S100Z: variants seen among roughly 807,000 people sequenced by gnomAD.
S100Z encodes S100 calcium binding protein Z, also known as protein S100-Z.
S100Z carries 11 observed loss-of-function variants against 8.5 expected under a neutral mutation model. The observed-to-expected ratio is 1.30, with a 90% CI of 0.82 to 2.15. The LOEUF (loss-of-function observed/expected upper bound fraction) is 2.15. S100Z is among the 30% of genes most tolerant of loss of function. The probability of loss-of-function intolerance (pLI) is 0.00; values close to 1 mark genes in which losing one functional copy is unlikely to be tolerated. For missense variants in S100Z, 126 were observed against 117.9 expected, an observed-to-expected ratio of 1.07 and a Z score of -0.32; for synonymous variants, 34 against 43.8, an observed-to-expected ratio of 0.78 and a Z score of 0.89.
intron 4 of S100Z, among the ~76,000 whole-genome samples, chr5:76,886,110 T>C (rs1408586429): frequency 6.6e-6 from 1 of 151,686 alleles, no homozygotes; most frequent in Non-Finnish European, 1.5e-5. Flanking sequence ...TGTCAAGGGG[T>C]GCTTGCCCCC....
chr5:76,922,445 A>G (rs1297522837), downstream of S100Z, among the ~76,000 whole-genome samples: 4 of 152,180 alleles, frequency 2.6e-5, no homozygotes, highest in Non-Finnish European at 4.4e-5. Flanking sequence ...AGTTCTGCCC[A>G]TCACCTTCCC....
At chr5:76,929,386 T>C in the S100Z span, among the ~76,000 whole-genome samples, 34 of 152,230 alleles carry the variant, frequency 2.2e-4, no homozygotes, top group East Asian at 6.4e-3. Context: ...ATTGAACAAT[T>C]TGTCTCTCAG....
At chr5:76,896,562 C>T (rs1744044719) in intron 4 of S100Z, among the ~76,000 whole-genome samples, 1 of 152,132 alleles carries the variant, frequency 6.6e-6, no homozygotes, top group African/African-American at 2.4e-5. Flanking sequence ...AGTGGGATTC[C>T]AGTAGCTGGA....
At chr5:76,896,910 G>C (rs142231798) in intron 4 of S100Z, among the ~76,000 whole-genome samples, 41 of 151,968 alleles carry the variant, frequency 2.7e-4, no homozygotes, top group African/African-American at 9.2e-4. Flanking sequence ...ATAGTTATTT[G>C]AGCTCCTTAA....
chr5:76,860,458 C>A (rs1160772648), intron 1 of S100Z, among the ~76,000 whole-genome samples: 1 of 152,138 alleles, frequency 6.6e-6, no homozygotes, highest in African/African-American at 2.4e-5. Context: ...GATGGCCCGA[C>A]CCTCTCAGCT....
At chr5:76,864,268 G>A (rs1025086150) in intron 1 of S100Z, among the ~76,000 whole-genome samples, 2 of 151,922 alleles carry the variant, frequency 1.3e-5, no homozygotes, top group Non-Finnish European at 2.9e-5. Flanking sequence ...ACATGTCTGG[G>A]GCGATACTGG....
At chr5:76,952,149 A>G in the S100Z span, among the ~76,000 whole-genome samples, 1 of 152,194 alleles carries the variant, frequency 6.6e-6, no homozygotes, top group African/African-American at 2.4e-5. Flanking sequence ...TTATTTCCGG[A>G]TCCCTAAGTC....
At chr5:76,868,623 CT>C (rs35398110) in intron 1 of S100Z, among the ~76,000 whole-genome samples, 25,584 of 122,362 alleles carry the variant, frequency 0.21, 1,926 homozygotes, top group African/African-American at 0.3. Context: ...AATTCAAACT[CT>C]TTTTTTTTTT....
At chr5:76,925,153 G>T (rs1252848698), downstream of S100Z, among the ~76,000 whole-genome samples, 1 of 121,632 alleles carries the variant, frequency 8.2e-6, no homozygotes, top group Non-Finnish European at 2.0e-5. Context: ...AAGATGAGTG[G>T]CTAGATAGAG....
At chr5:76,864,302 C>T (rs1260711187) in intron 1 of S100Z, among the ~76,000 whole-genome samples, 1 of 150,654 alleles carries the variant, frequency 6.6e-6, no homozygotes, top group Non-Finnish European at 1.5e-5. Flanking sequence ...GCTGTGTTTC[C>T]AGTTGTATAA....
chr5:76,936,988 C>T, the S100Z span, among the ~76,000 whole-genome samples: 1 of 151,920 alleles, frequency 6.6e-6, no homozygotes, highest in Non-Finnish European at 1.5e-5. Context: ...ATTATGGACA[C>T]TAGACACAGT....
chr5:76,860,262 C>T (rs1751017943), intron 1 of S100Z, among the ~76,000 whole-genome samples: 1 of 152,156 alleles, frequency 6.6e-6, no homozygotes, highest in Non-Finnish European at 1.5e-5. Context: ...GCAGCCATTG[C>T]CACTGTAGCC....
At chr5:76,850,330 G>A (rs1750686605) in intron 1 of S100Z, among the ~76,000 whole-genome samples, 175 bp downstream of exon 1, 1 of 113,908 alleles carries the variant, frequency 8.8e-6, no homozygotes, top group Non-Finnish European at 1.8e-5. Flanking sequence ...GGTCGGGGGG[G>A]TGGGGGAGAG....
the S100Z span, among the ~76,000 whole-genome samples, chr5:76,930,628 G>A: frequency 3.9e-5 from 6 of 152,118 alleles, no homozygotes; most frequent in Admixed American, 1.3e-4. Flanking sequence ...GCAATCACTC[G>A]ACTCTGAAAA....
intron 4 of S100Z, among the ~76,000 whole-genome samples, chr5:76,892,387 G>A (rs1218423999): frequency 2.0e-5 from 3 of 152,132 alleles, no homozygotes; most frequent in Non-Finnish European, 4.4e-5. Flanking sequence ...TATTTCTCTT[G>A]ACTTCTCCAG....
Position 76,921,536 on chromosome 5 carries a change from G to A in S100Z, c.*822G>A, listed in dbSNP as rs568517860. On this transcript the variant is annotated 3_prime_UTR_variant, in exon 5 of 5. Transcript: ENST00000317593. ...TATTTAAAAGTATTCATAATTTTCT[G>A]ATAATAAAAGTAAGACATGGCATTA... The A allele has an allele frequency of 3.3e-5, 5 of 152,194 alleles. No homozygotes were observed. The highest frequency in any genetic ancestry group is 1.2e-4 in the African/African-American group (5 of 41,528). 9.4% of individuals were successfully genotyped at this position (152,194 alleles called of 1,614,324 possible).
chr5:76,895,716 A>G lies in S100Z; in HGVS notation c.*2+17882A>G, dbSNP rs542698177. ...CAATCCAATTACATTAAGTTATTTT[A>G]AAATATAGAGGGGTTTTTTTGCTTT... On this transcript the variant is annotated intron_variant, in intron 4 of 4. Coordinates refer to ENST00000317593, the MANE Select transcript of S100Z (RefSeq NM_130772.4). Among the ~76,000 whole-genome samples, 11 of 151,526 alleles carry G rather than the reference A, an allele frequency of 7.3e-5. No individual in the cohort carries two copies. In the East Asian group the frequency reaches 2.1e-3, roughly 29 times the overall value.
At chr5:76,905,415 A>G (rs1744391876) in intron 4 of S100Z, among the ~76,000 whole-genome samples, 1 of 151,710 alleles carries the variant, frequency 6.6e-6, no homozygotes, top group South Asian at 2.1e-4. Context: ...TTATTTATTT[A>G]TTTTTATTGT....
At chr5:76,937,010 T>C in the S100Z span, among the ~76,000 whole-genome samples, 1 of 131,492 alleles carries the variant, frequency 7.6e-6, no homozygotes, top group African/African-American at 2.8e-5. Context: ...GGAAGTCTGA[T>C]CGTCATACGC....
Sources: allele counts gnomAD v4.1 joint callset (sites outside exome capture counted in the v4.1 genomes callset), GRCh38; gene constraint gnomAD v4.1.1; transcripts MANE v1.5; gene names NCBI Gene and HGNC (gene_info 2026-07-23, HGNC 2026-07-21).